Variants in PRELID2 observed in about 807,000 individuals in gnomAD.
The protein encoded by PRELID2 is PRELI domain-containing protein 2.
In PRELID2, 25 loss-of-function variants were observed where a neutral mutation model predicts 28.4. The observed-to-expected ratio is 0.88, with a 90% CI of 0.64 to 1.23. PRELID2 has a LOEUF of 1.23. Among genes scored for constraint, PRELID2 ranks in the 50% most tolerant of loss-of-function variants. The pLI, the probability that PRELID2 is intolerant of heterozygous loss-of-function variation, is 0.00. For synonymous variants in PRELID2, 76 were observed against 71.6 expected, an observed-to-expected ratio of 1.06 and a Z score of -0.31; for missense variants, 201 against 214.4, an observed-to-expected ratio of 0.94 and a Z score of 0.39.
the PRELID2 span, among the ~76,000 whole-genome samples, chr5:145,331,481 T>A: frequency 6.6e-6 from 1 of 152,214 alleles, no homozygotes; most frequent in African/African-American, 2.4e-5. Flanking sequence ...ATATTTAGTA[T>A]AGTTAGCTCT....
chr5:145,713,515 T>C (rs865913215), intron 1 of PRELID2, among the ~76,000 whole-genome samples: 2 of 144,256 alleles, frequency 1.4e-5, no homozygotes, highest in Non-Finnish European at 3.0e-5. Flanking sequence ...CAGAAGACAA[T>C]GGAATTACAT....
chr5:145,267,698 G>A, the PRELID2 span, among the ~76,000 whole-genome samples: 24 of 152,070 alleles, frequency 1.6e-4, no homozygotes, highest in African/African-American at 5.6e-4. Flanking sequence ...TGGATCATAC[G>A]GTAGCTCTAA....
chr5:145,406,106 C>A, the PRELID2 span, among the ~76,000 whole-genome samples: 1 of 152,050 alleles, frequency 6.6e-6, no homozygotes, highest in Non-Finnish European at 1.5e-5. Flanking sequence ...AGCAATCTAA[C>A]CCTATGATCT....
At chr5:145,248,317 TC>T in the PRELID2 span, among the ~76,000 whole-genome samples, 1 of 152,124 alleles carries the variant, frequency 6.6e-6, no homozygotes, top group African/African-American at 2.4e-5. Context: ...GTGTAGTTTT[TC>T]AAATTTTGTA....
the PRELID2 span, among the ~76,000 whole-genome samples, chr5:145,461,422 C>G: frequency 6.6e-6 from 1 of 152,002 alleles, no homozygotes; most frequent in African/African-American, 2.4e-5. Context: ...CCTGCCTCAG[C>G]CTTCCAAGTA....
chr5:145,448,916 TCA>T, the PRELID2 span, among the ~76,000 whole-genome samples: 1 of 152,168 alleles, frequency 6.6e-6, no homozygotes, highest in African/African-American at 2.4e-5. Flanking sequence ...GAAAGGGCTC[TCA>T]GTTGCAAGTG....
chr5:145,308,000 T>A, the PRELID2 span, among the ~76,000 whole-genome samples: 1 of 152,066 alleles, frequency 6.6e-6, no homozygotes, highest in Non-Finnish European at 1.5e-5. Context: ...GTGTGGTCAG[T>A]CTAATTAAAG....
chr5:145,689,235 G>C (rs1755096923), intron 1 of PRELID2, among the ~76,000 whole-genome samples: 2 of 152,140 alleles, frequency 1.3e-5, no homozygotes, highest in African/African-American at 4.8e-5. Flanking sequence ...CTTCCCAGGA[G>C]AGGCCAGTTG....
chr5:145,456,346 G>A, the PRELID2 span, among the ~76,000 whole-genome samples: 8 of 152,276 alleles, frequency 5.3e-5, no homozygotes, highest in African/African-American at 1.7e-4. Context: ...TTTGTGTAGC[G>A]ACGCCTATAG....
intron 1 of PRELID2, among the ~76,000 whole-genome samples, chr5:145,500,401 G>A (rs1341043563): frequency 1.3e-5 from 2 of 150,010 alleles, no homozygotes; most frequent in African/African-American, 2.4e-5. Context: ...GCAGAAGCCT[G>A]TATAGCCTGT....
chr5:145,285,396 C>A, the PRELID2 span, among the ~76,000 whole-genome samples: 1 of 152,062 alleles, frequency 6.6e-6, no homozygotes, highest in Non-Finnish European at 1.5e-5. Context: ...GAAGCTCCCC[C>A]GCTCCGCCCA....
intron 5 of PRELID2, among the ~76,000 whole-genome samples, chr5:145,777,309 C>T (rs1193642393): frequency 1.3e-5 from 2 of 152,152 alleles, no homozygotes; most frequent in Non-Finnish European, 2.9e-5. Context: ...CTCAGGCAAT[C>T]CTCCCACCTT....
At chr5:145,718,957 A>C (rs1755914441) in intron 1 of PRELID2, among the ~76,000 whole-genome samples, 1 of 152,036 alleles carries the variant, frequency 6.6e-6, no homozygotes, top group Non-Finnish European at 1.5e-5. Context: ...AAAAGCATAC[A>C]CTATATGGGA....
chr5:145,782,023 G>A (rs1437589017), intron 5 of PRELID2, among the ~76,000 whole-genome samples: 1 of 152,108 alleles, frequency 6.6e-6, no homozygotes, highest in African/African-American at 2.4e-5. Flanking sequence ...GCACAGCGGA[G>A]AGAACACAGC....
At chr5:145,588,330 A>C (rs982854558) in intron 1 of PRELID2, among the ~76,000 whole-genome samples, 2 of 152,076 alleles carry the variant, frequency 1.3e-5, no homozygotes, top group African/African-American at 4.8e-5. Flanking sequence ...TGAGCAGCAC[A>C]TCTCCCTGCA....
chr5:145,401,111 T>C, the PRELID2 span, among the ~76,000 whole-genome samples: 1 of 152,236 alleles, frequency 6.6e-6, no homozygotes, highest in African/African-American at 2.4e-5. Context: ...TGTCACGTGC[T>C]TGAAGGGATA....
chr5:145,800,301 T>TACACACACAC (rs10555229), intron 4 of PRELID2, among the ~76,000 whole-genome samples: 106 of 138,562 alleles, frequency 7.7e-4, no homozygotes, highest in East Asian at 3.2e-3. Flanking sequence ...CCCCTTCTCT[T>TACACACACAC]ACACACACAC....
chr5:145,383,265 ATACATATATACACACATACG>A, the PRELID2 span, among the ~76,000 whole-genome samples: 13 of 151,748 alleles, frequency 8.6e-5, no homozygotes, highest in Non-Finnish European at 1.3e-4. Flanking sequence ...GCATTCATAT[ATACATATATACACACATACG>A]TACATATATA....
At chr5:145,753,460 T>G (rs1757178627), downstream of PRELID2, among the ~76,000 whole-genome samples, 1 of 152,240 alleles carries the variant, frequency 6.6e-6, no homozygotes. Flanking sequence ...TATTAGCATT[T>G]AAGAGGCACT....
Sources: allele counts gnomAD v4.1 joint callset (sites outside exome capture counted in the v4.1 genomes callset), GRCh38; gene constraint gnomAD v4.1.1; transcripts MANE v1.5; gene names NCBI Gene and HGNC (gene_info 2026-07-23, HGNC 2026-07-21).